The following COL4A2 variants were observed in gnomAD, a reference collection of about 807,000 sequenced individuals.
The protein encoded by COL4A2 is collagen type IV alpha 2 chain.
COL4A2 carries 99 observed loss-of-function variants against 200.2 expected under a neutral mutation model. The observed-to-expected ratio is 0.49, with a 90% CI of 0.42 to 0.58. The LOEUF is 0.58. COL4A2 is among the 20% of genes least tolerant of loss of function. The probability of loss-of-function intolerance (pLI) is 0.00; values close to 1 mark genes in which losing one functional copy is unlikely to be tolerated. For synonymous variants in COL4A2, 897 were observed against 900.6 expected, an observed-to-expected ratio of 1.00 and a Z score of 0.07; for missense variants, 1,950 against 2,314.1, an observed-to-expected ratio of 0.84 and a Z score of 3.23.
chr13:110,470,281 G>A lies in COL4A2; in HGVS notation c.2203+957G>A, dbSNP rs113948559. On this transcript the variant is annotated intron_variant, in intron 28 of 47. Transcript: ENST00000360467. ...AGCCATTGTGGACAACTTTCCACCC[G>A]AGATGAAACATCCTTCCACAGGGTC... Among the ~76,000 whole-genome samples the A allele has an allele frequency of 1.2e-4, 19 of 152,254 alleles. No homozygotes were observed. In the East Asian group the frequency reaches 2.1e-3, roughly 17 times the overall value.
intron 29 of COL4A2, among the ~76,000 whole-genome samples, chr13:110,476,281 C>T (rs1882701137): frequency 6.6e-6 from 1 of 152,226 alleles, no homozygotes. Flanking sequence ...CATTAGCACC[C>T]ACTAACAATC....
chr13:110,416,214 TGCTAAATTA>T (rs1880037873), intron 4 of COL4A2, among the ~76,000 whole-genome samples: 1 of 152,258 alleles, frequency 6.6e-6, no homozygotes, highest in Non-Finnish European at 1.5e-5. Context: ...ATGTCAGCAG[TGCTAAATTA>T]GAAAGAGCGT....
intron 3 of COL4A2, among the ~76,000 whole-genome samples, chr13:110,347,065 GA>G (rs1223298678): frequency 6.6e-6 from 1 of 152,206 alleles, no homozygotes; most frequent in Non-Finnish European, 1.5e-5. Context: ...TTCGCCTCTA[GA>G]AAGGCACTGA....
At chr13:110,337,241 G>A (rs1001887444) in intron 3 of COL4A2, among the ~76,000 whole-genome samples, 2 of 152,206 alleles carry the variant, frequency 1.3e-5, no homozygotes, top group Non-Finnish European at 1.5e-5. Context: ...AGAAGCACCC[G>A]GCATGATGCT....
intron 46 of COL4A2, chr13:110,507,398 G>A (rs1883923032): frequency 6.3e-6 from 1 of 158,404 alleles, no homozygotes; most frequent in Non-Finnish European, 1.4e-5. Flanking sequence ...TTTGCTAAAG[G>A]TGGCTGCACT....
intron 21 of COL4A2, chr13:110,458,197 G>T: frequency 2.2e-6 from 1 of 456,398 alleles, no homozygotes. Flanking sequence ...AGGAAGTGGG[G>T]CCTCCCCACT....
intron 4 of COL4A2, among the ~76,000 whole-genome samples, chr13:110,419,870 C>G (rs531040276): frequency 6.6e-6 from 1 of 152,230 alleles, no homozygotes; most frequent in African/African-American, 2.4e-5. Flanking sequence ...CACATAAATA[C>G]TCTTATGTTC....
rs77431641 is a variant in COL4A2 at position 110,454,800 on chromosome 13, G to T, written c.1340-2543G>T. Among the ~76,000 whole-genome samples, 705 of 152,258 alleles carry T rather than the reference G, an allele frequency of 4.6e-3. 1 individual carries two copies. The highest frequency in any genetic ancestry group is 0.015 in the African/African-American group (621 of 41,548). On this transcript the variant is annotated intron_variant, in intron 20 of 47. Coordinates refer to ENST00000360467, the MANE Select transcript of COL4A2 (RefSeq NM_001846.4). ...TTTCCTCTCTGGCCCTGTTCTGTGTGCTGAGCTACTAACAGAAACCGTTAA... is the reference window on the plus strand; with the variant it reads ...TTTCCTCTCTGGCCCTGTTCTGTGTTCTGAGCTACTAACAGAAACCGTTAA...
intron 4 of COL4A2, among the ~76,000 whole-genome samples, chr13:110,419,748 A>G (rs2139448613): frequency 6.6e-6 from 1 of 152,316 alleles, no homozygotes; most frequent in African/African-American, 2.4e-5. Flanking sequence ...GAGAGGGAAA[A>G]CAATGGGCAG....
intron 21 of COL4A2, 171 bp downstream of exon 21, chr13:110,457,606 G>T (rs1200193407): frequency 2.9e-6 from 2 of 699,800 alleles, no homozygotes; most frequent in African/African-American, 3.5e-5. Context: ...GAGGCGCATG[G>T]AGCCAGTGGT....
intron 18 of COL4A2, 137 bp from the exon 19 acceptor site, chr13:110,449,542 A>C (rs941455302): frequency 6.7e-6 from 5 of 745,118 alleles, no homozygotes; most frequent in Non-Finnish European, 1.0e-5. Flanking sequence ...CCCATGTATT[A>C]ATCATCTTAA....
intron 18 of COL4A2, among the ~76,000 whole-genome samples, chr13:110,448,719 C>T (rs371893284): frequency 3.5e-4 from 53 of 152,048 alleles, no homozygotes; most frequent in African/African-American, 1.2e-3. Context: ...TTTATGGAAT[C>T]AACAATGGCT....
At position 110,504,233 on chromosome 13, in the gene COL4A2, C is replaced by T. The variant is rs1883762483; in HGVS notation, c.4371C>T (p.Pro1457=). 2 of 1,614,048 alleles carry T rather than the reference C, an allele frequency of 1.2e-6. No homozygotes were observed. The change falls in exon 45 of 48, where the codon CCC becomes CCT. Residue 1457 remains proline, a synonymous_variant. Transcript: ENST00000360467. ...AVPGFRGDEG[P]IGHQGPIGQE... Reference sequence around the variant, plus strand: ...CCGGCTTCCGGGGAGATGAAGGACCCATAGGCCACCAGGGGCCGATTGGCC... The same window carrying T: ...CCGGCTTCCGGGGAGATGAAGGACCTATAGGCCACCAGGGGCCGATTGGCC...
chr13:110,467,493 T>G (rs1353902141), intron 27 of COL4A2, among the ~76,000 whole-genome samples: 1 of 152,236 alleles, frequency 6.6e-6, no homozygotes, highest in Non-Finnish European at 1.5e-5. Flanking sequence ...TGGGTTTTGA[T>G]TAACAGGAAA....
At chr13:110,384,024 G>A (rs765502557) in intron 4 of COL4A2, among the ~76,000 whole-genome samples, 14 of 152,304 alleles carry the variant, frequency 9.2e-5, no homozygotes, top group East Asian at 3.9e-4. Context: ...CTGTGCAGGC[G>A]GTAAATGGCA....
chr13:110,403,218 A>T (rs1445286833), intron 4 of COL4A2, among the ~76,000 whole-genome samples: 1 of 152,142 alleles, frequency 6.6e-6, no homozygotes, highest in South Asian at 2.1e-4. Flanking sequence ...CTCTTCTACT[A>T]CCTGGACAGT....
intron 3 of COL4A2, among the ~76,000 whole-genome samples, chr13:110,335,954 G>T (rs1876161834): frequency 6.6e-6 from 1 of 152,214 alleles, no homozygotes; most frequent in Admixed American, 6.5e-5. Context: ...GCAAAAAGAA[G>T]ACTCTCGTGG....
At chr13:110,490,994 G>A (rs1401876977) in intron 36 of COL4A2, among the ~76,000 whole-genome samples, 9 of 152,170 alleles carry the variant, frequency 5.9e-5, no homozygotes, top group South Asian at 2.1e-4. Flanking sequence ...GGGGTGTCCT[G>A]TTTTCCCTAA....
Position 110,312,355 on chromosome 13 carries a change from A to G in COL4A2, c.99+4232A>G, listed in dbSNP as rs143176296. 8.5e-5 allele frequency among the ~76,000 whole-genome samples: 13 copies of G among 152,122 alleles called. No homozygotes were observed. In the East Asian group the frequency reaches 2.5e-3, roughly 29 times the overall value. On this transcript the variant is annotated intron_variant, in intron 3 of 47. Coordinates refer to ENST00000360467, the MANE Select transcript of COL4A2 (RefSeq NM_001846.4). ...CGACCAGGCGGCTATGTTTACAACC[A>G]GAGAGAGAGAGGTGAAGAGGAAAAG...
Sources: allele counts gnomAD v4.1 joint callset (sites outside exome capture counted in the v4.1 genomes callset), GRCh38; gene constraint gnomAD v4.1.1; transcripts MANE v1.5; gene names NCBI Gene and HGNC (gene_info 2026-07-23, HGNC 2026-07-21).